PTPN21: variants seen among roughly 807,000 people sequenced by gnomAD.
The protein encoded by PTPN21 is tyrosine-protein phosphatase non-receptor type 21.
Under a neutral mutation model 131.8 loss-of-function variants are expected in PTPN21, and 77 were observed. That is an observed-to-expected ratio of 0.58 (90% CI 0.49 to 0.71). PTPN21 has a LOEUF of 0.71. Among genes scored for constraint, PTPN21 ranks in the 30% least tolerant of loss-of-function variants. The probability of loss-of-function intolerance (pLI) is 0.00; values close to 1 mark genes in which losing one functional copy is unlikely to be tolerated. For synonymous variants in PTPN21, 715 were observed against 621.3 expected, an observed-to-expected ratio of 1.15 and a Z score of -2.24; for missense variants, 1,552 against 1,527.1, an observed-to-expected ratio of 1.02 and a Z score of -0.27.
At position 88,473,811 on chromosome 14, in the gene PTPN21, G is replaced by T; in HGVS notation, c.2512-9C>A. On this transcript the variant is annotated splice_polypyrimidine_tract_variant and intron_variant, in intron 13 of 18. Coordinates refer to ENST00000556564, the MANE Select transcript of PTPN21 (RefSeq NM_007039.4). ...CGAGTCTTTTTCATTCCCTGTAAAA[G>T]GATTTATATGTATATATGAAATATA... 6.3e-7 allele frequency: 1 copy of T among 1,593,856 alleles called. No individual in the cohort carries two copies. The highest frequency in any genetic ancestry group is 8.5e-7 in the Non-Finnish European group (1 of 1,174,326).
At chr14:88,497,991 C>T (rs1159489194) in intron 8 of PTPN21, among the ~76,000 whole-genome samples, 2 of 151,874 alleles carry the variant, frequency 1.3e-5, no homozygotes, top group African/African-American at 2.4e-5. Context: ...ATCCCAGCTA[C>T]TTGGGAGGCT....
intron 10 of PTPN21, 50 bp downstream of exon 10, chr14:88,496,363 A>G (rs2077916078): frequency 6.8e-7 from 1 of 1,472,300 alleles, no homozygotes; most frequent in Non-Finnish European, 9.5e-7. Context: ...CAAGATTACA[A>G]TTTCTAAATT....
In PTPN21 at chr14:88,466,449, T is replaced by C. The variant is rs1208861344; in HGVS notation, c.*1688A>G. 2.0e-5 allele frequency: 3 copies of C among 152,126 alleles called. No homozygotes were observed. The allele number at this position is 152,126 out of a possible 1,614,324, so 9.4% of individuals were successfully genotyped here. A position where few individuals can be genotyped will look rare whatever the true frequency, so the allele number is the denominator to read the frequency against. ...TGTCTCGTGGCTGACAACATACATG[T>C]AGTGCTCAAGGAAGTGAGTTAAGGA... On this transcript the variant is annotated 3_prime_UTR_variant, in exon 19 of 19. Coordinates refer to ENST00000556564, the MANE Select transcript of PTPN21 (RefSeq NM_007039.4).
At chr14:88,528,420 G>C (rs924696525) in intron 2 of PTPN21, among the ~76,000 whole-genome samples, 2 of 152,158 alleles carry the variant, frequency 1.3e-5, no homozygotes, top group South Asian at 4.1e-4. Context: ...TGTTATAAAA[G>C]AAGTTGAGTT....
At chr14:88,475,419 C>T (rs895643622) in intron 13 of PTPN21, among the ~76,000 whole-genome samples, 22 of 152,192 alleles carry the variant, frequency 1.4e-4, no homozygotes, top group African/African-American at 5.3e-4. Flanking sequence ...CCACATAATG[C>T]AGTCTAGACT....
At chr14:88,502,878 G>A (rs182087958) in intron 6 of PTPN21, among the ~76,000 whole-genome samples, 6 of 152,154 alleles carry the variant, frequency 3.9e-5, no homozygotes. Context: ...GAGGTAAGAG[G>A]AAACTGATAT....
At chr14:88,481,874 A>G (rs538162338) in intron 12 of PTPN21, among the ~76,000 whole-genome samples, 45 of 152,334 alleles carry the variant, frequency 3.0e-4, no homozygotes, top group African/African-American at 1.1e-3. Context: ...CAATGCGACT[A>G]GTAATGGTCA....
At chr14:88,531,239 T>C (rs1164553618) in intron 2 of PTPN21, among the ~76,000 whole-genome samples, 1 of 152,146 alleles carries the variant, frequency 6.6e-6, no homozygotes, top group African/African-American at 2.4e-5. Flanking sequence ...TTGAACTGAA[T>C]GATAATAGTG....
At chr14:88,536,307 T>G (rs766685935) in intron 2 of PTPN21, among the ~76,000 whole-genome samples, 53 of 152,228 alleles carry the variant, frequency 3.5e-4, no homozygotes, top group Non-Finnish European at 6.3e-4. Context: ...CATAGTTGTT[T>G]AAAATTTTTT....
chr14:88,470,692 C>T (rs964861434), intron 15 of PTPN21, among the ~76,000 whole-genome samples: 6 of 152,252 alleles, frequency 3.9e-5, no homozygotes, highest in African/African-American at 1.2e-4. Flanking sequence ...GCCACACGCA[C>T]TCTCACTCAG....
At chr14:88,543,549 T>TA in intron 2 of PTPN21, among the ~76,000 whole-genome samples, 1 of 152,334 alleles carries the variant, frequency 6.6e-6, no homozygotes, top group African/African-American at 2.4e-5. Flanking sequence ...TCTTAATTTT[T>TA]AAACTAAGTA....
chr14:88,531,199 C>A (rs1034543151), intron 2 of PTPN21, among the ~76,000 whole-genome samples: 19 of 152,076 alleles, frequency 1.2e-4, no homozygotes, highest in African/African-American at 4.3e-4. Flanking sequence ...TTTGAATCAA[C>A]AACAAAATAA....
At chr14:88,502,788 A>C (rs147876268) in intron 6 of PTPN21, among the ~76,000 whole-genome samples, 30 of 152,286 alleles carry the variant, frequency 2.0e-4, no homozygotes, top group African/African-American at 7.0e-4. Flanking sequence ...AACTTGTAGG[A>C]GGCCTTTAAT....
intron 2 of PTPN21, among the ~76,000 whole-genome samples, chr14:88,520,882 C>T (rs2078379595): frequency 6.6e-6 from 1 of 152,168 alleles, no homozygotes; most frequent in Non-Finnish European, 1.5e-5. Flanking sequence ...TGCACTCTAT[C>T]ACTCAGGCGG....
At chr14:88,526,494 G>A (rs2078478323) in intron 2 of PTPN21, among the ~76,000 whole-genome samples, 1 of 133,480 alleles carries the variant, frequency 7.5e-6, no homozygotes, top group African/African-American at 2.9e-5. Context: ...AGGTTGCAGT[G>A]AGCCAGGATC....
At chr14:88,496,843 C>G (rs2077924590) in intron 9 of PTPN21, among the ~76,000 whole-genome samples, 1 of 152,174 alleles carries the variant, frequency 6.6e-6, no homozygotes, top group African/African-American at 2.4e-5. Context: ...TTGCCTTTGT[C>G]AAGAGAGCAA....
chr14:88,495,458 C>T (rs1012651908), intron 10 of PTPN21, among the ~76,000 whole-genome samples: 4 of 152,110 alleles, frequency 2.6e-5, no homozygotes, highest in African/African-American at 9.7e-5. Flanking sequence ...GTTGGAAGTT[C>T]AAGACCAGCC....
chr14:88,552,810 G>A (rs890710284), intron 1 of PTPN21, among the ~76,000 whole-genome samples: 1 of 152,248 alleles, frequency 6.6e-6, no homozygotes, highest in African/African-American at 2.4e-5. Flanking sequence ...AAAAAAATTA[G>A]CAAATGACAA....
intron 2 of PTPN21, among the ~76,000 whole-genome samples, chr14:88,543,138 C>T (rs2078729384): frequency 6.6e-6 from 1 of 152,138 alleles, no homozygotes; most frequent in Non-Finnish European, 1.5e-5. Flanking sequence ...TAAAATAAAA[C>T]ACTTTGATGG....
Sources: allele counts gnomAD v4.1 joint callset (sites outside exome capture counted in the v4.1 genomes callset), GRCh38; gene constraint gnomAD v4.1.1; transcripts MANE v1.5; gene names NCBI Gene and HGNC (gene_info 2026-07-23, HGNC 2026-07-21).